The following ARHGAP15 variants were observed in gnomAD, a reference collection of about 807,000 sequenced individuals.
ARHGAP15 encodes rho GTPase-activating protein 15.
A neutral mutation model predicts 63.7 loss-of-function variants in ARHGAP15; 51 were observed. That is an observed-to-expected ratio of 0.80 (90% CI 0.64 to 1.01). The LOEUF is 1.01. Among genes scored for constraint, ARHGAP15 ranks in the 50% least tolerant of loss-of-function variants. The pLI, the probability that ARHGAP15 is intolerant of heterozygous loss-of-function variation, is 0.00. For synonymous variants in ARHGAP15, 191 were observed against 193.8 expected, an observed-to-expected ratio of 0.99 and a Z score of 0.12; for missense variants, 560 against 564.6, an observed-to-expected ratio of 0.99 and a Z score of 0.08.
At chr2:143,339,357 T>C (rs1383982310) in intron 6 of ARHGAP15, among the ~76,000 whole-genome samples, 1 of 152,150 alleles carries the variant, frequency 6.6e-6, no homozygotes, top group Non-Finnish European at 1.5e-5. Flanking sequence ...CTGAGCCAGA[T>C]ATTATTCACA....
intron 4 of ARHGAP15, among the ~76,000 whole-genome samples, chr2:143,221,326 G>A (rs1022177417): frequency 7.2e-5 from 11 of 151,956 alleles, no homozygotes; most frequent in Non-Finnish European, 1.5e-4. Context: ...GCAGGAGATG[G>A]TAAAAGGAAA....
At chr2:143,612,835 T>C (rs926395492) in intron 11 of ARHGAP15, among the ~76,000 whole-genome samples, 5 of 152,224 alleles carry the variant, frequency 3.3e-5, no homozygotes, top group Admixed American at 2.0e-4. Flanking sequence ...TTTCCATCAG[T>C]AAAGTTGAAC....
At chr2:143,739,759 A>G (rs911386229) in intron 13 of ARHGAP15, among the ~76,000 whole-genome samples, 8 of 152,156 alleles carry the variant, frequency 5.3e-5, no homozygotes, top group African/African-American at 1.9e-4. Context: ...GCTGACTTTT[A>G]CTGAAGATTG....
At chr2:143,391,514 C>T (rs1349017364) in intron 6 of ARHGAP15, among the ~76,000 whole-genome samples, 6 of 152,086 alleles carry the variant, frequency 3.9e-5, no homozygotes, top group South Asian at 2.1e-4. Flanking sequence ...GGGAGCCTGC[C>T]TTCAGTCTGG....
intron 13 of ARHGAP15, among the ~76,000 whole-genome samples, chr2:143,723,382 G>A (rs931910745): frequency 3.9e-5 from 6 of 152,178 alleles, no homozygotes; most frequent in African/African-American, 1.2e-4. Context: ...GAGCAAAGCC[G>A]GAAAGCCAAC....
chr2:143,234,149 A>G (rs969726421), intron 5 of ARHGAP15, among the ~76,000 whole-genome samples: 2 of 152,094 alleles, frequency 1.3e-5, no homozygotes, highest in Non-Finnish European at 2.9e-5. Flanking sequence ...CTTAATTTCA[A>G]TTATTGTAAT....
At chr2:143,538,766 G>T (rs1184574897) in intron 10 of ARHGAP15, among the ~76,000 whole-genome samples, 1 of 152,190 alleles carries the variant, frequency 6.6e-6, no homozygotes, top group East Asian at 1.9e-4. Context: ...TTGATGTGCT[G>T]CTGGATTCGG....
intron 6 of ARHGAP15, among the ~76,000 whole-genome samples, chr2:143,311,794 C>T (rs1683459590): frequency 6.6e-6 from 1 of 152,068 alleles, no homozygotes; most frequent in African/African-American, 2.4e-5. Context: ...GATCTGCCTG[C>T]AAAGAAAAGA....
intron 2 of ARHGAP15, among the ~76,000 whole-genome samples, chr2:143,176,920 G>C (rs1256917845): frequency 6.6e-6 from 1 of 152,150 alleles, no homozygotes; most frequent in Non-Finnish European, 1.5e-5. Context: ...TTCCACATGG[G>C]CCTTTCCATG....
At chr2:143,388,500 A>G (rs1366581949) in intron 6 of ARHGAP15, among the ~76,000 whole-genome samples, 1 of 152,148 alleles carries the variant, frequency 6.6e-6, no homozygotes, top group East Asian at 1.9e-4. Flanking sequence ...CAAACCCCCA[A>G]ACTTGGGCCT....
At chr2:143,336,279 A>G (rs1684769247) in intron 6 of ARHGAP15, among the ~76,000 whole-genome samples, 1 of 152,196 alleles carries the variant, frequency 6.6e-6, no homozygotes, top group South Asian at 2.1e-4. Flanking sequence ...CAATAGAGGA[A>G]ACCACTGAAG....
intron 6 of ARHGAP15, among the ~76,000 whole-genome samples, chr2:143,320,422 C>A (rs962356072): frequency 2.1e-5 from 2 of 95,442 alleles, no homozygotes; most frequent in Non-Finnish European, 4.5e-5. Flanking sequence ...CCCCCCCCCC[C>A]AGAGATCCTA....
chr2:143,296,172 A>G lies in ARHGAP15; in HGVS notation c.474+45572A>G, dbSNP rs115714965. On this transcript the variant is annotated intron_variant, in intron 6 of 13. Coordinates refer to ENST00000295095, the MANE Select transcript of ARHGAP15 (RefSeq NM_018460.4). ...ATGAGCCCCTGGAGGACAGCGAGTGAGTTCTGAATTCTCTGAGGAGCCACC... is the reference window on the plus strand; with the variant it reads ...ATGAGCCCCTGGAGGACAGCGAGTGGGTTCTGAATTCTCTGAGGAGCCACC... Among the ~76,000 whole-genome samples the G allele has an allele frequency of 2.3e-3, 352 of 152,080 alleles. 4 individuals are homozygous for G. Among genetic ancestry groups the G allele is most frequent in the African/African-American group, 8.1e-3 (336 of 41,530 alleles).
rs1685609120 is a variant in ARHGAP15 at position 143,352,346 on chromosome 2, T to G, written c.475-83255T>G. On this transcript the variant is annotated intron_variant, in intron 6 of 13. Transcript: ENST00000295095. ...TGTTAAGATTCATTTAATAGACTTT[T>G]AAAAAATAGATTTGCCTTTCTCTAC... Among the ~76,000 whole-genome samples, 4 of 152,204 alleles carry G rather than the reference T, an allele frequency of 2.6e-5. No individual in the cohort carries two copies. The South Asian group carries it at 8.3e-4, about 31-fold the overall frequency.
intron 12 of ARHGAP15, among the ~76,000 whole-genome samples, chr2:143,661,689 G>C (rs953781625): frequency 6.6e-6 from 1 of 152,200 alleles, no homozygotes; most frequent in African/African-American, 2.4e-5. Flanking sequence ...GGGAGTGCCA[G>C]ACAGTGGGCA....
At chr2:143,471,792 A>G (rs1017120934) in intron 8 of ARHGAP15, among the ~76,000 whole-genome samples, 8 of 152,028 alleles carry the variant, frequency 5.3e-5, no homozygotes, top group African/African-American at 1.9e-4. Flanking sequence ...GTAACCAATC[A>G]CCTCCATCTA....
intron 1 of ARHGAP15, among the ~76,000 whole-genome samples, chr2:143,149,516 G>A (rs1275604379): frequency 6.6e-6 from 1 of 151,884 alleles, no homozygotes; most frequent in Non-Finnish European, 1.5e-5. Context: ...AAAATTCTAA[G>A]ATTGTGATAA....
intron 6 of ARHGAP15, among the ~76,000 whole-genome samples, chr2:143,255,092 C>T (rs1385249160): frequency 6.6e-6 from 1 of 152,048 alleles, no homozygotes; most frequent in South Asian, 2.1e-4. Flanking sequence ...CCTGAGCTTC[C>T]TTTAAAATAA....
chr2:143,330,353 C>T (rs1684492490), intron 6 of ARHGAP15, among the ~76,000 whole-genome samples: 1 of 151,592 alleles, frequency 6.6e-6, no homozygotes, highest in Admixed American at 6.6e-5. Context: ...AACATTTTCC[C>T]ATCAAATTTT....
Sources: gnomAD v4.1 joint callset for allele counts (sites outside exome capture counted in the v4.1 genomes callset) on GRCh38, gnomAD v4.1.1 for gene constraint, MANE v1.5 for transcripts, NCBI Gene and HGNC (gene_info 2026-07-23, HGNC 2026-07-21) for gene names.